The following CFAP299 variants were observed in gnomAD, a reference collection of about 807,000 sequenced individuals.
CFAP299 encodes the protein cilia- and flagella-associated protein 299.
In CFAP299, 21 loss-of-function variants were observed where a neutral mutation model predicts 27.0. The ratio of observed to expected loss-of-function variants is 0.78; its 90% confidence interval spans 0.55 to 1.12. CFAP299 has a LOEUF of 1.12. Among genes scored for constraint, CFAP299 ranks in the 50% most tolerant of loss-of-function variants. CFAP299 has a pLI of 0.00. For synonymous variants in CFAP299, 104 were observed against 98.1 expected (o/e 1.06, Z -0.36); for missense variants, 310 against 276.6 (o/e 1.12, Z -0.86).
At chr4:80,782,656 AATATATTCATATATAATATACATAT>A (rs1726973196) in intron 3 of CFAP299, among the ~76,000 whole-genome samples, 2 of 125,898 alleles carry the variant, frequency 1.6e-5, no homozygotes, top group Admixed American at 8.1e-5. Context: ...ATGAATATAT[AATATATTCATATATAATATACATAT>A]ATGAATATAT....
At chr4:80,387,587 G>T (rs1553918842) in intron 2 of CFAP299, 1 of 1,146,790 alleles carries the variant, frequency 8.7e-7, no homozygotes, top group Non-Finnish European at 1.3e-6. Context: ...GCCAAGACCT[G>T]TACAGTCACA....
intron 3 of CFAP299, among the ~76,000 whole-genome samples, chr4:80,759,034 A>G (rs971609602): frequency 6.6e-5 from 10 of 152,250 alleles, no homozygotes; most frequent in African/African-American, 2.4e-4. Context: ...ACACATATTT[A>G]AAACATTACA....
At chr4:80,726,012 T>C (rs538692175) in intron 3 of CFAP299, among the ~76,000 whole-genome samples, 123 of 152,208 alleles carry the variant, frequency 8.1e-4, no homozygotes, top group Non-Finnish European at 1.2e-3. Context: ...TAGAGGACAT[T>C]TGGGCTTCAA....
At position 80,469,125 on chromosome 4, in the gene CFAP299, G is replaced by A. The variant is rs138620760; in HGVS notation, c.242+106241G>A. Among the ~76,000 whole-genome samples, 771 of 152,302 alleles carry A rather than the reference G, an allele frequency of 5.1e-3. 4 individuals carry two copies. Among genetic ancestry groups the A allele is most frequent in the Middle Eastern group, 0.017 (5 of 294 alleles). On this transcript the variant is annotated intron_variant, in intron 2 of 5. Coordinates refer to ENST00000358105, the MANE Select transcript of CFAP299 (RefSeq NM_152770.3). Reference sequence around the variant, plus strand: ...CTTAATATGTGGTCCTTAATCAGCAGCATCAGCATCACCTGGGAATTTGTT... The same window carrying A: ...CTTAATATGTGGTCCTTAATCAGCAACATCAGCATCACCTGGGAATTTGTT...
intron 4 of CFAP299, among the ~76,000 whole-genome samples, chr4:80,910,229 G>A (rs1394488104): frequency 2.6e-5 from 4 of 152,110 alleles, no homozygotes; most frequent in South Asian, 4.1e-4. Flanking sequence ...TACACTGTTG[G>A]CAGGAGTTTA....
At chr4:80,552,690 T>A (rs1201503655) in intron 2 of CFAP299, among the ~76,000 whole-genome samples, 1 of 152,218 alleles carries the variant, frequency 6.6e-6, no homozygotes, top group Non-Finnish European at 1.5e-5. Context: ...CACCAGTAGT[T>A]TGGGGTTTCT....
chr4:80,951,101 TA>T (rs1198378775), intron 5 of CFAP299, among the ~76,000 whole-genome samples: 3 of 152,176 alleles, frequency 2.0e-5, no homozygotes, highest in Non-Finnish European at 4.4e-5. Flanking sequence ...TCAATTATAT[TA>T]AAAATATGAA....
intron 2 of CFAP299, among the ~76,000 whole-genome samples, chr4:80,371,046 A>G (rs1257479331): frequency 2.0e-5 from 3 of 152,210 alleles, no homozygotes; most frequent in Non-Finnish European, 4.4e-5. Context: ...AAATCTGAGT[A>G]GAGGTTCCCA....
At chr4:80,764,758 G>A (rs1290032767) in intron 3 of CFAP299, among the ~76,000 whole-genome samples, 59 of 152,266 alleles carry the variant, frequency 3.9e-4, no homozygotes, top group Admixed American at 3.9e-3. Context: ...GGAATACTAT[G>A]CAGCCATAAA....
chr4:80,413,024 A>G lies in CFAP299; in HGVS notation c.242+50140A>G, dbSNP rs570399758. On this transcript the variant is annotated intron_variant, in intron 2 of 5. Coordinates refer to ENST00000358105, the MANE Select transcript of CFAP299 (RefSeq NM_152770.3). ...AAGTAACAGATTTCAGTCTTTTTGA[A>G]TGGTAGCCTCATAACATTAAGTTAA... 1.9e-4 allele frequency among the ~76,000 whole-genome samples: 29 copies of G among 152,346 alleles called. No homozygotes were observed. The South Asian group carries it at 2.3e-3, about 12-fold the overall frequency.
At chr4:80,875,668 A>C (rs1335220820) in intron 4 of CFAP299, among the ~76,000 whole-genome samples, 5 of 151,334 alleles carry the variant, frequency 3.3e-5, no homozygotes, top group Non-Finnish European at 7.4e-5. Context: ...CTGTCTCAAA[A>C]AAAAAAAAAA....
chr4:80,822,129 T>G (rs1182943365), intron 3 of CFAP299, among the ~76,000 whole-genome samples: 1 of 152,204 alleles, frequency 6.6e-6, no homozygotes, highest in Admixed American at 6.5e-5. Context: ...CACAAATACT[T>G]TAATGCACTG....
intron 3 of CFAP299, among the ~76,000 whole-genome samples, chr4:80,797,614 T>G (rs1256183225): frequency 6.6e-6 from 1 of 152,150 alleles, no homozygotes; most frequent in African/African-American, 2.4e-5. Flanking sequence ...CCCATTGTAT[T>G]TAAATTTTAT....
intron 3 of CFAP299, among the ~76,000 whole-genome samples, chr4:80,630,360 T>C (rs1739143553): frequency 6.6e-6 from 1 of 152,128 alleles, no homozygotes; most frequent in South Asian, 2.1e-4. Flanking sequence ...TTTTCTCTTA[T>C]CAGAAAAGTC....
intron 2 of CFAP299, among the ~76,000 whole-genome samples, chr4:80,476,347 A>G (rs1243015999): frequency 6.6e-6 from 1 of 152,164 alleles, no homozygotes; most frequent in Admixed American, 6.6e-5. Context: ...ATACTTAGTG[A>G]TGAGTAACTC....
intron 1 of CFAP299, among the ~76,000 whole-genome samples, chr4:80,340,769 CTTTAT>C (rs148929832): frequency 2.0e-5 from 3 of 148,176 alleles, no homozygotes; most frequent in African/African-American, 8.0e-5. Flanking sequence ...CATAACACTC[CTTTAT>C]TTTATTTTAT....
At chr4:80,428,651 C>T (rs1040377386) in intron 2 of CFAP299, among the ~76,000 whole-genome samples, 34 of 151,562 alleles carry the variant, frequency 2.2e-4, no homozygotes, top group African/African-American at 7.0e-4. Context: ...CCCAGCCTCA[C>T]GAGTAGCTGG....
At chr4:80,485,245 A>G (rs1399899403) in intron 2 of CFAP299, among the ~76,000 whole-genome samples, 1 of 149,272 alleles carries the variant, frequency 6.7e-6, no homozygotes, top group Non-Finnish European at 1.5e-5. Flanking sequence ...ACATATATGT[A>G]TAAATATAAT....
At chr4:80,776,172 T>C (rs1726528172) in intron 3 of CFAP299, among the ~76,000 whole-genome samples, 1 of 152,052 alleles carries the variant, frequency 6.6e-6, no homozygotes, top group Non-Finnish European at 1.5e-5. Context: ...CTTGTACAGG[T>C]GATTAAGAGC....
Sources: gnomAD v4.1 joint callset for allele counts (sites outside exome capture counted in the v4.1 genomes callset) on GRCh38, gnomAD v4.1.1 for gene constraint, MANE v1.5 for transcripts, NCBI Gene and HGNC (gene_info 2026-07-23, HGNC 2026-07-21) for gene names.